CCDC93: variants seen among roughly 807,000 people sequenced by gnomAD.
CCDC93 encodes CCC complex scaffolding subunit CCDC93.
In CCDC93, 61 loss-of-function variants were observed where a neutral mutation model predicts 108.2. The observed-to-expected ratio is 0.56, with a 90% confidence interval of 0.46 to 0.70. The LOEUF (loss-of-function observed/expected upper bound fraction) is 0.70, where lower values mean the gene tolerates loss of function less well. Ranked by LOEUF, CCDC93 falls within the 30% of genes least tolerant of loss-of-function variation. CCDC93 has a pLI of 0.00. For missense variants in CCDC93, 685 were observed against 764.2 expected (o/e 0.90, Z 1.22); for synonymous variants, 276 against 260.4 (o/e 1.06, Z -0.58).
chr2:117,933,272 C>T (rs1267704866), intron 22 of CCDC93, among the ~76,000 whole-genome samples: 1 of 152,182 alleles, frequency 6.6e-6, no homozygotes, highest in Non-Finnish European at 1.5e-5. Context: ...GACCATTTTT[C>T]TTCTCAACAT....
At chr2:117,950,062 T>C (rs946891619) in intron 13 of CCDC93, 1 of 985,416 alleles carries the variant, frequency 1.0e-6, no homozygotes, top group Non-Finnish European at 1.2e-6. Flanking sequence ...CCAGCAGAAA[T>C]GGGGAGTTCC....
intron 13 of CCDC93, chr2:117,951,264 C>G: frequency 1.0e-6 from 1 of 985,340 alleles, no homozygotes; most frequent in Non-Finnish European, 1.2e-6. Context: ...CCATCTAATC[C>G]GTAAGGAACC....
intron 23 of CCDC93, among the ~76,000 whole-genome samples, chr2:117,924,745 C>T (rs1678016188): frequency 6.6e-6 from 1 of 152,282 alleles, no homozygotes; most frequent in South Asian, 2.1e-4. Context: ...TCTAGCAAGG[C>T]AGGCCAACAT....
chr2:117,977,864 G>T, intron 8 of CCDC93, 130 bp downstream of exon 8: 1 of 778,552 alleles, frequency 1.3e-6, no homozygotes. Context: ...GAGATGCAGG[G>T]GCCAAAGGCA....
Position 117,964,605 on chromosome 2 carries a change from A to AT in CCDC93, c.889-6125dup, listed in dbSNP as rs59540648. Among the ~76,000 whole-genome samples the AT allele has an allele frequency of 7.6e-4, 112 of 146,916 alleles. 1 individual carries two copies. The highest frequency in any genetic ancestry group is 3.2e-3 in the East Asian group (16 of 5,064). On this transcript the variant is annotated intron_variant, in intron 11 of 23. Coordinates refer to ENST00000376300, the MANE Select transcript of CCDC93 (RefSeq NM_019044.5). ...TGAAGAGCCTCTTTTAAGAAGTAGA[A>AT]TTTTTTTTTTTTTAAGAGGGTCTCA...
chr2:117,955,831 A>G (rs1338446086), intron 12 of CCDC93, among the ~76,000 whole-genome samples: 1 of 152,242 alleles, frequency 6.6e-6, no homozygotes, highest in Non-Finnish European at 1.5e-5. Flanking sequence ...TTGTAACCAT[A>G]CAAGTCACTC....
Position 117,974,744 on chromosome 2 carries a change from G to C in CCDC93, c.801+106C>G. On this transcript the variant is annotated intron_variant, in intron 10 of 23. Transcript: ENST00000376300. ...CCCTGGGGAAGAGGAGGTACTGTGT[G>C]CTGGTGAGAGGCAGCTCCGGAGAAG... 1.4e-5 allele frequency: 11 copies of C among 774,260 alleles called. No homozygotes were observed. In the South Asian group the frequency reaches 1.7e-4, roughly 12 times the overall value. 48.0% of individuals were successfully genotyped at this position (774,260 alleles called of 1,614,324 possible).
chr2:117,948,296 C>A, intron 14 of CCDC93, 110 bp from the exon 15 acceptor site: 1 of 723,566 alleles, frequency 1.4e-6, no homozygotes, highest in South Asian at 1.7e-5. Flanking sequence ...AATTTCCTTT[C>A]TCAGCTCTAA....
At chr2:118,012,250 G>A (rs931666164) in intron 1 of CCDC93, among the ~76,000 whole-genome samples, 2 of 150,168 alleles carry the variant, frequency 1.3e-5, no homozygotes, top group African/African-American at 2.5e-5. Flanking sequence ...CTCCAGCCTC[G>A]GTGACAGAGT....
At chr2:118,002,864 T>C (rs553788135) in intron 3 of CCDC93, among the ~76,000 whole-genome samples, 1 of 152,224 alleles carries the variant, frequency 6.6e-6, no homozygotes, top group South Asian at 2.1e-4. Flanking sequence ...TAGTAAGACC[T>C]TGTCTGCATA....
chr2:117,917,384 G>A lies in CCDC93; in HGVS notation c.*2959C>T, dbSNP rs1346692975. On this transcript the variant is annotated 3_prime_UTR_variant, in exon 24 of 24. Coordinates refer to ENST00000376300, the MANE Select transcript of CCDC93 (RefSeq NM_019044.5). ...AGGTCTTCTCCAGCCTCTGCTCAAG[G>A]TTTCAGGAGGTCCCGAGGGCTCGGT... 1 of 152,706 alleles carries A rather than the reference G, an allele frequency of 6.5e-6. No homozygotes were observed. Among genetic ancestry groups the A allele is most frequent in the African/African-American group, 2.4e-5 (1 of 41,430 alleles). The allele number at this position is 152,706 out of a possible 1,614,324, so 9.5% of individuals were successfully genotyped here. A position where few individuals can be genotyped will look rare whatever the true frequency, so the allele number is the denominator to read the frequency against.
intron 13 of CCDC93, chr2:117,949,855 G>T (rs1254089281): frequency 2.3e-5 from 23 of 985,278 alleles, no homozygotes; most frequent in Non-Finnish European, 2.7e-5. Context: ...AGGCCAAAAA[G>T]GATGGTTAAC....
chr2:118,010,251 G>A (rs1676989464), intron 1 of CCDC93, among the ~76,000 whole-genome samples: 1 of 152,110 alleles, frequency 6.6e-6, no homozygotes, highest in South Asian at 2.1e-4. Flanking sequence ...CATCGCGCCT[G>A]GCCGTATCTC....
Position 117,946,863 on chromosome 2 carries a change from T to C in CCDC93, c.1244A>G (p.Gln415Arg), listed in dbSNP as rs1005389551. The change falls in exon 16 of 24, where the codon CAG becomes CGG. Residue 415 changes from glutamine (Q) to arginine (R), a missense_variant. Physicochemically the swap from Gln to Arg is conservative, Grantham distance 43 (BLOSUM62 1). Coordinates refer to ENST00000376300, the MANE Select transcript of CCDC93 (RefSeq NM_019044.5). ...AGCTTTCAGGTTTTCAATTTCTTGC[T>C]GTAGTCGTGTCATCTCCTCCTTTAA... Reference protein sequence around the residue: ...AHCREEMTRLQQEIENLKAER... With the variant: ...AHCREEMTRLRQEIENLKAER... 5 of 1,613,398 alleles carry C rather than the reference T, an allele frequency of 3.1e-6. No individual in the cohort carries two copies.
chr2:117,950,830 G>A, intron 13 of CCDC93: 1 of 985,326 alleles, frequency 1.0e-6, no homozygotes, highest in South Asian at 4.7e-5. Flanking sequence ...TCCCAGAGAG[G>A]GCTCTGATGC....
At chr2:117,962,620 G>A (rs187018627) in intron 11 of CCDC93, among the ~76,000 whole-genome samples, 1 of 152,288 alleles carries the variant, frequency 6.6e-6, no homozygotes, top group African/African-American at 2.4e-5. Flanking sequence ...TCCAGCCTGG[G>A]CGGCAGAGTG....
At chr2:118,001,852 T>C (rs17512831) in intron 3 of CCDC93, among the ~76,000 whole-genome samples, 8,054 of 152,300 alleles carry the variant, frequency 0.053, 284 homozygotes, top group Non-Finnish European at 0.082. Flanking sequence ...ATTTCATCTC[T>C]AGCTATGTGA....
intron 20 of CCDC93, 105 bp from the exon 21 acceptor site, chr2:117,936,844 G>C: frequency 1.2e-6 from 1 of 836,972 alleles, no homozygotes; most frequent in South Asian, 1.3e-5. Flanking sequence ...CTTCTGCAAG[G>C]AACACATGCC....
At chr2:117,950,269 T>A (rs1437353076) in intron 13 of CCDC93, 3 of 985,184 alleles carry the variant, frequency 3.0e-6, no homozygotes, top group Non-Finnish European at 3.6e-6. Flanking sequence ...AAAAAAGATG[T>A]ATCAATTCAA....
Sources: allele counts gnomAD v4.1 joint callset (sites outside exome capture counted in the v4.1 genomes callset), GRCh38; gene constraint gnomAD v4.1.1; transcripts MANE v1.5; gene names NCBI Gene and HGNC (gene_info 2026-07-23, HGNC 2026-07-21).